Variants in ZFR2 observed in about 807,000 individuals in gnomAD.
ZFR2 encodes zinc finger RNA-binding protein 2.
ZFR2 carries 104 observed loss-of-function variants against 105.7 expected under a neutral mutation model. That is an observed-to-expected ratio of 0.98 (90% CI 0.84 to 1.16). ZFR2 has a LOEUF of 1.16. Ranked by LOEUF, ZFR2 falls within the 50% of genes most tolerant of loss-of-function variation. The probability of loss-of-function intolerance (pLI) is 0.00; values close to 1 mark genes in which losing one functional copy is unlikely to be tolerated. For missense variants in ZFR2, 1,425 were observed against 1,355.5 expected, an observed-to-expected ratio of 1.05 and a Z score of -0.80; for synonymous variants, 634 against 597.7, an observed-to-expected ratio of 1.06 and a Z score of -0.89.
Position 3,820,893 on chromosome 19 carries a change from G to C in ZFR2, c.1631+447C>G, listed in dbSNP as rs1214312072. ...GACACTAGAGGTCGGGGGACACAGG[G>C]ACACTAGAGGTCGGGGGACACAGGG... On this transcript the variant is annotated intron_variant, in intron 10 of 18. Coordinates refer to ENST00000262961, the MANE Select transcript of ZFR2 (RefSeq NM_015174.2). 9.2e-3 allele frequency among the ~76,000 whole-genome samples: 998 copies of C among 108,776 alleles called. 187 individuals carry two copies. Among genetic ancestry groups the C allele is most frequent in the East Asian group, 0.013 (45 of 3,480 alleles). The allele number at this position is 108,776 out of a possible 152,430, so 71.4% of individuals were successfully genotyped here.
At chr19:3,820,396 C>A in intron 10 of ZFR2, 106 bp from the exon 11 acceptor site, 1 of 1,062,064 alleles carries the variant, frequency 9.4e-7, no homozygotes, top group Non-Finnish European at 1.3e-6. Flanking sequence ...GAAGGAAGGG[C>A]CAAAGCTCTT....
chr19:3,831,584 G>C, intron 4 of ZFR2, 28 bp from the exon 5 acceptor site: 2 of 1,544,086 alleles, frequency 1.3e-6, no homozygotes, highest in South Asian at 1.2e-5. Context: ...CAATGAGTCG[G>C]GGGGAGATGC....
At position 3,834,561 on chromosome 19, in the gene ZFR2, G is replaced by A. The variant is rs894886506; in HGVS notation, c.264+212C>T. Among the ~76,000 whole-genome samples the A allele has an allele frequency of 2.6e-5, 4 of 152,156 alleles. No individual in the cohort carries two copies. Among genetic ancestry groups the A allele is most frequent in the Admixed American group, 2.0e-4 (3 of 15,280 alleles). On this transcript the variant is annotated intron_variant, in intron 2 of 18. Coordinates refer to ENST00000262961, the MANE Select transcript of ZFR2 (RefSeq NM_015174.2). The surrounding 1 kb of genome is among the most constrained non-coding windows in gnomAD (Gnocchi z 5.3). The stretch of plus-strand genomic sequence containing the variant: ...TGCCCCGACGTGGAGGTACGCATGC[G>A]GCCTGTCCCCGAGAGCAGTGGATTC...
chr19:3,866,978 C>T (rs1389484350), intron 1 of ZFR2, among the ~76,000 whole-genome samples: 1 of 152,192 alleles, frequency 6.6e-6, no homozygotes, highest in Non-Finnish European at 1.5e-5. Flanking sequence ...TTCCCACAGC[C>T]CTGGTTTCCA....
chr19:3,822,104 G>GC lies in ZFR2; in HGVS notation c.1467dup (p.Arg490AlafsTer152). 2 of 1,607,716 alleles carry GC rather than the reference G, an allele frequency of 1.2e-6. No individual in the cohort carries two copies. Among genetic ancestry groups the GC allele is most frequent in the Non-Finnish European group, 1.7e-6 (2 of 1,177,644 alleles). Reference sequence around the variant, plus strand: ...ACCCGGTACTGCAGCCGGTGCCGCCGCCCCCTCACGTGCAGGTCCTTCGCG... The same window carrying GC: ...ACCCGGTACTGCAGCCGGTGCCGCCGCCCCCCTCACGTGCAGGTCCTTCGCG... On this transcript the variant is annotated frameshift_variant, in exon 9 of 19. Coordinates refer to ENST00000262961, the MANE Select transcript of ZFR2 (RefSeq NM_015174.2). LOFTEE classifies it high-confidence loss of function.
chr19:3,805,966 C>A lies in ZFR2; in HGVS notation c.2803G>T (p.Gly935Ter). 1 of 1,537,226 alleles carries A rather than the reference C, an allele frequency of 6.5e-7. No homozygotes were observed. Among genetic ancestry groups the A allele is most frequent in the Admixed American group, 2.0e-5 (1 of 50,732 alleles). The change falls in exon 19 of 19, where the codon GGA (glycine) becomes TGA (stop). Residue 935 changes from glycine to a stop codon, truncating the protein, a stop_gained. Transcript: ENST00000262961. LOFTEE classifies it high-confidence loss of function. ...TAGGCGGCTCACACGAGCCCCTCTCCGCCCCGCCGGCCCCGCTTCTTCTCC... is the reference window on the plus strand; with the variant it reads ...TAGGCGGCTCACACGAGCCCCTCTCAGCCCCGCCGGCCCCGCTTCTTCTCC... The part of the protein sequence containing the change: ...AGEKKRGRRG[G>*]EGLV
rs1599236643 is a variant in ZFR2 at position 3,831,566 on chromosome 19, A to G, written c.599-10T>C. 11 of 1,558,430 alleles carry G rather than the reference A, an allele frequency of 7.1e-6. No homozygotes were observed. Among genetic ancestry groups the G allele is most frequent in the African/African-American group, 1.4e-5 (1 of 73,572 alleles). On this transcript the variant is annotated splice_polypyrimidine_tract_variant and intron_variant, in intron 4 of 18. Transcript: ENST00000262961. ...TTCGGGTAGCTTGGTGCTGAGCAGC[A>G]GAGAAAACAATGAGTCGGGGGGAGA...
rs2038334804 is a variant in ZFR2, at chr19:3,858,599, C to A, written c.53+10366G>T. Among the ~76,000 whole-genome samples, 1 of 152,180 alleles carries A rather than the reference C, an allele frequency of 6.6e-6. No homozygotes were observed. Among genetic ancestry groups the A allele is most frequent in the Non-Finnish European group, 1.5e-5 (1 of 68,034 alleles). On this transcript the variant is annotated intron_variant, in intron 1 of 18. Transcript: ENST00000262961. This position sits in a 1 kb window ranked among gnomAD's most constrained non-coding sequence, Gnocchi z 4.3. ...TTGGGAGGCCAAGGCAGGCGGATCA[C>A]CTGAGGTCAGGAGTTCAAGACCAGC...
intron 1 of ZFR2, among the ~76,000 whole-genome samples, chr19:3,866,836 C>T (rs564421058): frequency 1.3e-5 from 2 of 152,192 alleles, no homozygotes; most frequent in African/African-American, 4.8e-5. Context: ...AAGAAAAGAT[C>T]AAATAAAAAT....
chr19:3,840,651 T>G (rs2038125324), intron 1 of ZFR2, among the ~76,000 whole-genome samples: 1 of 152,080 alleles, frequency 6.6e-6, no homozygotes, highest in Admixed American at 6.6e-5. Context: ...CTGCCTCAGC[T>G]TCCCAAGAAG....
chr19:3,837,110 C>T (rs555868136), intron 1 of ZFR2, among the ~76,000 whole-genome samples: 34 of 152,264 alleles, frequency 2.2e-4, no homozygotes, highest in South Asian at 1.5e-3. Flanking sequence ...ACATTCTCTG[C>T]GGCACAGGAA....
At chr19:3,855,122 C>T (rs1394877717) in intron 1 of ZFR2, among the ~76,000 whole-genome samples, 1 of 152,154 alleles carries the variant, frequency 6.6e-6, no homozygotes, top group Non-Finnish European at 1.5e-5. Flanking sequence ...TCTCGAACTC[C>T]TGGGCTCAAG....
At chr19:3,806,215 G>A in intron 18 of ZFR2, 90 bp from the exon 19 acceptor site, 1 of 1,344,526 alleles carries the variant, frequency 7.4e-7, no homozygotes, top group South Asian at 1.7e-5. Context: ...GTGGCCACCA[G>A]CAGATGGGCC....
At chr19:3,842,719 G>C (rs2038146197) in intron 1 of ZFR2, among the ~76,000 whole-genome samples, 1 of 151,796 alleles carries the variant, frequency 6.6e-6, no homozygotes, top group Non-Finnish European at 1.5e-5. Flanking sequence ...TGCCCCCAGG[G>C]TCCAAGTGAT....
chr19:3,806,040 C>A lies in ZFR2; in HGVS notation c.2729G>T (p.Arg910Leu). 1 of 1,539,510 alleles carries A rather than the reference C, an allele frequency of 6.5e-7. No homozygotes were observed. The highest frequency in any genetic ancestry group is 8.7e-7 in the Non-Finnish European group (1 of 1,143,748). Residue 910 changes from arginine (R) to leucine (L), a missense_variant, in exon 19 of 19, where the codon CGC (arginine) becomes CTC (leucine). Coordinates refer to ENST00000262961, the MANE Select transcript of ZFR2 (RefSeq NM_015174.2). ...LLPPRHRLGA[R>L]FRKRQRGPGE... ...AGGTCCCCGTTGCCTCTTCCGGAAG[C>A]GGGCCCCCAGCCGGTGTCTGGGCGG...
rs1252324565 is a variant in ZFR2 at position 3,810,798 on chromosome 19, C to G, written c.2385G>C (p.Leu795=). The change falls in exon 16 of 19, where the codon CTG becomes CTC. Residue 795 remains leucine, a synonymous_variant. Transcript: ENST00000262961. ...LQPCVIVIRV[L]RDLCRRVPTW... ...TGGGCACACGCCGGCAGAGGTCCCT[C>G]AGGACCCTGATGACGATCACGCATG... 1 of 1,550,456 alleles carries G rather than the reference C, an allele frequency of 6.4e-7. No homozygotes were observed. Among genetic ancestry groups the G allele is most frequent in the Non-Finnish European group, 8.7e-7 (1 of 1,146,870 alleles).
In ZFR2 at chr19:3,827,606, C is replaced by T. The variant is rs529607974; in HGVS notation, c.900G>A (p.Ala300=). ...TGGGCTGCACGCCTGTCTTCTGGGCCGCCTCCTTCTTTCTGTGCTTCTGCC... is the reference window on the plus strand; with the variant it reads ...TGGGCTGCACGCCTGTCTTCTGGGCTGCCTCCTTCTTTCTGTGCTTCTGCC... ...LGGQKHRKKE[A]AQKTGVQPNG... Residue 300 remains alanine (A), a synonymous_variant, in exon 6 of 19, where the codon GCG becomes GCA. Transcript: ENST00000262961. 77 of 1,581,116 alleles carry T rather than the reference C, an allele frequency of 4.9e-5. 2 individuals carry two copies. The East Asian group carries it at 1.1e-3, about 22-fold the overall frequency.
At chr19:3,848,594 C>A (rs2038205693) in intron 1 of ZFR2, among the ~76,000 whole-genome samples, 1 of 152,134 alleles carries the variant, frequency 6.6e-6, no homozygotes, top group South Asian at 2.1e-4. Context: ...GCAGTCCCAG[C>A]TCCTCAGGAG....
chr19:3,843,778 T>C (rs2038157548), intron 1 of ZFR2, among the ~76,000 whole-genome samples: 2 of 147,916 alleles, frequency 1.4e-5, no homozygotes, highest in African/African-American at 2.5e-5. Context: ...GAGCTTGCAG[T>C]GAGCAGAGAT....
Sources: allele counts gnomAD v4.1 joint callset (sites outside exome capture counted in the v4.1 genomes callset), GRCh38; gene constraint gnomAD v4.1.1; non-coding constraint Gnocchi (gnomAD v3.1); transcripts MANE v1.5; gene names NCBI Gene and HGNC (gene_info 2026-07-23, HGNC 2026-07-21).